The following DTNA variants were observed in gnomAD, a reference collection of about 807,000 sequenced individuals.
DTNA encodes dystrobrevin alpha, also known as dystrophin-related protein 3.
Under a neutral mutation model 100.7 loss-of-function variants are expected in DTNA, and 43 were observed. The observed-to-expected ratio is 0.43, with a 90% CI of 0.33 to 0.55. The LOEUF (loss-of-function observed/expected upper bound fraction) is 0.55, where lower values mean the gene tolerates loss of function less well. Ranked by LOEUF, DTNA falls within the 20% of genes least tolerant of loss-of-function variation. DTNA has a pLI of 0.04. For missense variants in DTNA, 798 were observed against 953.9 expected (o/e 0.84, Z 2.15); for synonymous variants, 349 against 347.9 (o/e 1.00, Z -0.04).
At chr18:34,730,914 C>G (rs935241125) in intron 1 of DTNA, among the ~76,000 whole-genome samples, 7 of 152,130 alleles carry the variant, frequency 4.6e-5, no homozygotes, top group Admixed American at 1.3e-4. Flanking sequence ...AGGCTCACAG[C>G]CTTTGATGTC....
intron 3 of DTNA, among the ~76,000 whole-genome samples, chr18:34,782,483 G>C (rs2094362682): frequency 6.6e-6 from 1 of 152,144 alleles, no homozygotes; most frequent in Non-Finnish European, 1.5e-5. Context: ...TGTCATAAAT[G>C]GTCCAATAGA....
chr18:34,886,445 C>G (rs1001280711), intron 22 of DTNA, among the ~76,000 whole-genome samples: 1 of 152,204 alleles, frequency 6.6e-6, no homozygotes, highest in Non-Finnish European at 1.5e-5. Context: ...TCCCAAGGGG[C>G]AGGCCTTTTC....
intron 11 of DTNA, among the ~76,000 whole-genome samples, chr18:34,831,528 G>A (rs983531949): frequency 6.6e-6 from 1 of 152,188 alleles, no homozygotes; most frequent in African/African-American, 2.4e-5. Context: ...AGCAATTTGG[G>A]AGGCTGAGGT....
rs555341415 is a variant in DTNA, at chr18:34,588,119, C to A, written c.-2+94605C>A. Among the ~76,000 whole-genome samples the A allele has an allele frequency of 2.6e-5, 4 of 152,276 alleles. No individual in the cohort carries two copies. The East Asian group carries it at 7.7e-4, about 29-fold the overall frequency. On this transcript the variant is annotated intron_variant, in intron 1 of 19. Coordinates refer to the DTNA transcript ENST00000283365. The stretch of plus-strand genomic sequence containing the variant: ...ACCACAACCCAACAATTGGCACCAA[C>A]TTTTCAAAAATGTTTATGTAACCAA...
chr18:34,621,633 A>G (rs1243745227), intron 1 of DTNA, among the ~76,000 whole-genome samples: 1 of 152,192 alleles, frequency 6.6e-6, no homozygotes, highest in Non-Finnish European at 1.5e-5. Context: ...AGTTGAATTC[A>G]TAGAAATTGA....
At chr18:34,680,318 G>A (rs1284698148) in intron 1 of DTNA, among the ~76,000 whole-genome samples, 1 of 152,138 alleles carries the variant, frequency 6.6e-6, no homozygotes, top group Non-Finnish European at 1.5e-5. Context: ...TTTAATATTA[G>A]TCTGATATAT....
intron 17 of DTNA, among the ~76,000 whole-genome samples, chr18:34,869,218 G>A (rs866616515): frequency 6.6e-5 from 10 of 152,130 alleles, no homozygotes; most frequent in East Asian, 5.8e-4. Flanking sequence ...AATCTTATAC[G>A]TCAGCTATAA....
chr18:34,602,889 G>C (rs2147239320), intron 1 of DTNA, among the ~76,000 whole-genome samples: 1 of 151,954 alleles, frequency 6.6e-6, no homozygotes, highest in South Asian at 2.1e-4. Flanking sequence ...TGTAATGCTA[G>C]CTACTGAGGA....
chr18:34,734,530 G>C (rs996843315), intron 1 of DTNA, among the ~76,000 whole-genome samples: 2 of 152,120 alleles, frequency 1.3e-5, no homozygotes, highest in African/African-American at 2.4e-5. Flanking sequence ...TGCATGATAA[G>C]AGCTTGTCTG....
intron 2 of DTNA, among the ~76,000 whole-genome samples, chr18:34,765,472 C>T (rs1371519734): frequency 6.6e-6 from 1 of 152,192 alleles, no homozygotes; most frequent in Non-Finnish European, 1.5e-5. Context: ...TTATCATCAT[C>T]CCCATCTTCC....
At chr18:34,539,257 A>C (rs4490068) in intron 1 of DTNA, among the ~76,000 whole-genome samples, 6,504 of 144,340 alleles carry the variant, frequency 0.045, 364 homozygotes, top group African/African-American at 0.14. Flanking sequence ...GATTCCATTC[A>C]AAAAAAAAAA....
chr18:34,729,870 T>A (rs1415429047), intron 1 of DTNA, among the ~76,000 whole-genome samples: 1 of 151,960 alleles, frequency 6.6e-6, no homozygotes, highest in Non-Finnish European at 1.5e-5. Context: ...AGGTTATTTA[T>A]ACCTGCTGAG....
intron 1 of DTNA, among the ~76,000 whole-genome samples, chr18:34,505,406 T>A (rs1211860715): frequency 6.6e-6 from 1 of 152,174 alleles, no homozygotes; most frequent in African/African-American, 2.4e-5. Context: ...ATCTACCAAA[T>A]CTCTTTTTTC....
At chr18:34,597,476 C>T (rs1162737275) in intron 1 of DTNA, among the ~76,000 whole-genome samples, 1 of 152,126 alleles carries the variant, frequency 6.6e-6, no homozygotes, top group Non-Finnish European at 1.5e-5. Context: ...ACACCCTCAC[C>T]CTGCCACTAC....
intron 1 of DTNA, among the ~76,000 whole-genome samples, chr18:34,665,482 T>A (rs1007413182): frequency 1.3e-5 from 2 of 152,210 alleles, no homozygotes; most frequent in Admixed American, 1.3e-4. Context: ...TGCAGGTTTG[T>A]TACATATGTA....
At chr18:34,548,413 C>T (rs2045036189) in intron 1 of DTNA, among the ~76,000 whole-genome samples, 1 of 151,976 alleles carries the variant, frequency 6.6e-6, no homozygotes, top group South Asian at 2.1e-4. Context: ...AGGCTGAATT[C>T]TTTTCAATAT....
chr18:34,723,936 G>A (rs2085978328), intron 1 of DTNA, among the ~76,000 whole-genome samples: 1 of 152,010 alleles, frequency 6.6e-6, no homozygotes, highest in Admixed American at 6.6e-5. Flanking sequence ...AAAAAACTAT[G>A]AAAAATATTA....
intron 1 of DTNA, among the ~76,000 whole-genome samples, chr18:34,515,676 TG>T (rs753061746): frequency 3.3e-5 from 5 of 152,126 alleles, no homozygotes; most frequent in Non-Finnish European, 7.4e-5. Flanking sequence ...CACTGTTCAT[TG>T]CTTAATGTAT....
At chr18:34,647,947 A>G (rs9947727) in intron 1 of DTNA, among the ~76,000 whole-genome samples, 10,290 of 152,272 alleles carry the variant, frequency 0.068, 1,067 homozygotes, top group African/African-American at 0.23. Flanking sequence ...TAGTTGCTGT[A>G]AAAGAAAGCA....
Sources: gnomAD v4.1 joint callset for allele counts (sites outside exome capture counted in the v4.1 genomes callset) on GRCh38, gnomAD v4.1.1 for gene constraint, MANE v1.5 for transcripts, NCBI Gene and HGNC (gene_info 2026-07-23, HGNC 2026-07-21) for gene names.